Variants in PLEKHG6 observed in about 807,000 individuals in gnomAD.
The protein encoded by PLEKHG6 is pleckstrin homology domain-containing family G member 6.
In PLEKHG6, 91 loss-of-function variants were observed where a neutral mutation model predicts 97.5. That is an observed-to-expected ratio of 0.93 (90% CI 0.79 to 1.11). The LOEUF is 1.11. Ranked by LOEUF, PLEKHG6 falls within the 50% of genes most tolerant of loss-of-function variation. The probability of loss-of-function intolerance (pLI) is 0.00; values close to 1 mark genes in which losing one functional copy is unlikely to be tolerated. For missense variants in PLEKHG6, 1,044 were observed against 1,031.0 expected (o/e 1.01, Z -0.17); for synonymous variants, 466 against 425.5 (o/e 1.10, Z -1.17).
intron 14 of PLEKHG6, 39 bp from the exon 15 acceptor site, chr12:6,327,215 T>C (rs1423311533): frequency 1.5e-6 from 2 of 1,332,118 alleles, no homozygotes; most frequent in African/African-American, 1.5e-5. Flanking sequence ...GGACTTGAAC[T>C]TGACCCCTAC....
intron 13 of PLEKHG6, chr12:6,319,402 C>T (rs1443930768): frequency 4.0e-5 from 33 of 832,364 alleles, no homozygotes; most frequent in African/African-American, 5.2e-5. Context: ...GACCTGAGAT[C>T]GTGCCACTGC....
chr12:6,311,667 G>A (rs781263239), intron 1 of PLEKHG6, among the ~76,000 whole-genome samples: 2 of 152,166 alleles, frequency 1.3e-5, no homozygotes, highest in Non-Finnish European at 2.9e-5. Context: ...ATGTAAATAT[G>A]TAAAGGCTTA....
chr12:6,316,595 G>C lies in PLEKHG6; in HGVS notation c.756+191G>C, dbSNP rs1359561488. Among the ~76,000 whole-genome samples the C allele has an allele frequency of 2.0e-5, 3 of 152,200 alleles. No individual in the cohort carries two copies. The East Asian group carries it at 5.8e-4, about 29-fold the overall frequency. ...CTGACCTCTGTGCCACAGGCTCCTT[G>C]TTCTTCTGGAGGCCTTTATGAAATG... On this transcript the variant is annotated intron_variant, in intron 7 of 15. Coordinates refer to ENST00000684764, the MANE Select transcript of PLEKHG6 (RefSeq NM_001384598.1). The surrounding 1 kb of genome is among the most constrained non-coding windows in gnomAD (Gnocchi z 4.1).
In PLEKHG6 at chr12:6,318,098, G is replaced by A. The variant is rs559478252; in HGVS notation, c.1155+104G>A. On this transcript the variant is annotated intron_variant, in intron 10 of 15. Transcript: ENST00000684764. The stretch of plus-strand genomic sequence containing the variant: ...ACACCCCGTACTTGGGTGCTACAAG[G>A]GTGTCCATCATTCCTACCTGGTGGT... 6.7e-5 allele frequency: 94 copies of A among 1,413,346 alleles called. No homozygotes were observed. In the African/African-American group the frequency reaches 1.2e-3, roughly 18 times the overall value. 87.6% of individuals were successfully genotyped at this position (1,413,346 alleles called of 1,614,324 possible). A position where few individuals can be genotyped will look rare whatever the true frequency, so the allele number is the denominator to read the frequency against.
At chr12:6,317,508 GA>G in intron 8 of PLEKHG6, 38 bp from the exon 9 acceptor site, 1 of 1,612,436 alleles carries the variant, frequency 6.2e-7, no homozygotes, top group South Asian at 1.1e-5. Context: ...GGCAGGGCAG[GA>G]GGGAGCAAAC....
Position 6,316,850 on chromosome 12 carries a change from G to A in PLEKHG6, c.756+446G>A, listed in dbSNP as rs1363605089. Among the ~76,000 whole-genome samples, 3 of 152,180 alleles carry A rather than the reference G, an allele frequency of 2.0e-5. No individual in the cohort carries two copies. The highest frequency in any genetic ancestry group is 1.3e-4 in the Admixed American group (2 of 15,278). ...AGCCAGGAAAATGTGGGCCCTGCAG[G>A]AAAAAGTTGCAGTGGGGTAGAGAGG... On this transcript the variant is annotated intron_variant, in intron 7 of 15. Coordinates refer to ENST00000684764, the MANE Select transcript of PLEKHG6 (RefSeq NM_001384598.1). This position sits in a 1 kb window ranked among gnomAD's most constrained non-coding sequence, Gnocchi z 4.1.
At position 6,327,856 on chromosome 12, in the gene PLEKHG6, G is replaced by A. The variant is rs778176627; in HGVS notation, c.2273G>A (p.Arg758Gln). Residue 758 changes from arginine (R) to glutamine (Q), a missense_variant, in exon 15 of 16, where the codon CGG (arginine) becomes CAG (glutamine). Coordinates refer to ENST00000684764, the MANE Select transcript of PLEKHG6 (RefSeq NM_001384598.1). ...AGGATTGAGGGGGCCGAGGAGCCCC[G>A]GGACAGCAGGCCACGGAAGCTGACT... ...SQRIEGAEEP[R>Q]DSRPRKLTRA... The A allele has an allele frequency of 1.7e-5, 26 of 1,503,768 alleles. No homozygotes were observed. The highest frequency in any genetic ancestry group is 2.1e-4 in the Middle Eastern group (1 of 4,658). 93.2% of individuals were successfully genotyped at this position (1,503,768 alleles called of 1,614,324 possible).
At chr12:6,313,876 C>T in intron 3 of PLEKHG6, 92 bp downstream of exon 3, 1 of 1,245,092 alleles carries the variant, frequency 8.0e-7, no homozygotes, top group Non-Finnish European at 1.1e-6. Flanking sequence ...GCTGAGAACA[C>T]AGGTCCAGGA....
chr12:6,326,276 G>C, intron 13 of PLEKHG6, 152 bp from the exon 14 acceptor site: 1 of 434,584 alleles, frequency 2.3e-6, no homozygotes, highest in Non-Finnish European at 3.9e-6. Flanking sequence ...CTGCACTCTA[G>C]TCTGGGTGAC....
chr12:6,324,609 T>A (rs1592035478), intron 13 of PLEKHG6, among the ~76,000 whole-genome samples: 1 of 151,952 alleles, frequency 6.6e-6, no homozygotes, highest in African/African-American at 2.4e-5. Flanking sequence ...CCCTGGCAGG[T>A]TTCCTACCCC....
chr12:6,312,695 G>C (rs1203254259), intron 2 of PLEKHG6: 1 of 1,178,472 alleles, frequency 8.5e-7, no homozygotes, highest in Non-Finnish European at 1.1e-6. Flanking sequence ...GCCTCTGCTT[G>C]GCAGGAGTTT....
At chr12:6,328,005 T>TG in intron 15 of PLEKHG6, 59 bp downstream of exon 15, 4 of 1,532,354 alleles carry the variant, frequency 2.6e-6, no homozygotes, top group Middle Eastern at 1.7e-4. Flanking sequence ...TGTATGGTGG[T>TG]GGGGTGTAGT....
At chr12:6,312,967 A>G in intron 2 of PLEKHG6, 1 of 1,429,998 alleles carries the variant, frequency 7.0e-7, no homozygotes. Context: ...TCAATGCACG[A>G]TAATTTTGCC....
At position 6,315,391 on chromosome 12, in the gene PLEKHG6, GA is replaced by G. The variant is rs1555103335; in HGVS notation, c.460-162del. ...TCAGTTGCCACATATGTAAAGTGGG[GA>G]TAATACCACCTACACATCAGAGCAC... On this transcript the variant is annotated intron_variant, in intron 4 of 15. Transcript: ENST00000684764. The surrounding 1 kb of genome is among the most constrained non-coding windows in gnomAD (Gnocchi z 4.5). Among the ~76,000 whole-genome samples the G allele has an allele frequency of 6.6e-6, 1 of 152,216 alleles. No individual in the cohort carries two copies. Among genetic ancestry groups the G allele is most frequent in the Non-Finnish European group, 1.5e-5 (1 of 68,042 alleles).
intron 3 of PLEKHG6, among the ~76,000 whole-genome samples, chr12:6,314,082 T>C (rs57231458): frequency 0.041 from 6,313 of 152,294 alleles, 394 homozygotes; most frequent in African/African-American, 0.13. Flanking sequence ...AGGTATGCTC[T>C]CTCTATCCTC....
chr12:6,318,626 C>A, intron 11 of PLEKHG6, 119 bp from the exon 12 acceptor site: 1 of 1,251,540 alleles, frequency 8.0e-7, no homozygotes, highest in South Asian at 1.4e-5. Flanking sequence ...GCCACTCCCG[C>A]ATTTGGGCTC....
In PLEKHG6 at chr12:6,312,682, C is replaced by T. The variant is rs2286718; in HGVS notation, c.138+318C>T. ...CCCCAGAGCTGGCGCCTCCCAGGCTCCCGCCTCTGCTTGGCAGGAGTTTGA... is the reference window on the plus strand; with the variant it reads ...CCCCAGAGCTGGCGCCTCCCAGGCTTCCGCCTCTGCTTGGCAGGAGTTTGA... On this transcript the variant is annotated intron_variant, in intron 2 of 15. Transcript: ENST00000684764. 2,552 of 1,188,612 alleles carry T rather than the reference C, an allele frequency of 2.1e-3. 57 individuals are homozygous for T. The East Asian group carries it at 0.035, about 16-fold the overall frequency. 73.6% of individuals were successfully genotyped at this position (1,188,612 alleles called of 1,614,324 possible). A position where few individuals can be genotyped will look rare whatever the true frequency, so the allele number is the denominator to read the frequency against.
Position 6,317,333 on chromosome 12 carries a change from T to C in PLEKHG6, c.787T>C (p.Tyr263His), listed in dbSNP as rs2136745899. ...FGQRFHPYVQ[Y>H]CLRVKQTMAY... ...CCAGCGGTTCCACCCCTATGTCCAG[T>C]ACTGCCTCCGAGTGAAGCAGACCAT... Residue 263 changes from tyrosine to histidine, a missense_variant, in exon 8 of 16, where the codon TAC (tyrosine) becomes CAC (histidine). Coordinates refer to ENST00000684764, the MANE Select transcript of PLEKHG6 (RefSeq NM_001384598.1). 4 of 1,613,976 alleles carry C rather than the reference T, an allele frequency of 2.5e-6. No individual in the cohort carries two copies. Among genetic ancestry groups the C allele is most frequent in the East Asian group, 2.2e-5 (1 of 44,884 alleles).
chr12:6,319,032 TC>T lies in PLEKHG6; in HGVS notation c.1449del (p.Ser484ProfsTer31). 1.2e-6 allele frequency: 2 copies of T among 1,614,038 alleles called. No individual in the cohort carries two copies. Among genetic ancestry groups the T allele is most frequent in the Non-Finnish European group, 1.7e-6 (2 of 1,179,954 alleles). On this transcript the variant is annotated frameshift_variant, in exon 13 of 16. Transcript: ENST00000684764. LOFTEE classifies it high-confidence loss of function. ...LLIHLTEFQC[V>X]SSALLVHCPS... Reference sequence around the variant, plus strand: ...ATCCACCTCACTGAATTCCAGTGTGTCTCCAGCGCCCTCCTTGTGCACTGTC... The same window carrying T: ...ATCCACCTCACTGAATTCCAGTGTGTTCCAGCGCCCTCCTTGTGCACTGTC...
Sources: allele counts gnomAD v4.1 joint callset (sites outside exome capture counted in the v4.1 genomes callset), GRCh38; gene constraint gnomAD v4.1.1; non-coding constraint Gnocchi (gnomAD v3.1); transcripts MANE v1.5; gene names NCBI Gene and HGNC (gene_info 2026-07-23, HGNC 2026-07-21).